Variants in YBEY observed in about 807,000 individuals in gnomAD.
The protein encoded by YBEY is endoribonuclease YbeY.
A neutral mutation model predicts 13.5 loss-of-function variants in YBEY; 15 were observed. The ratio of observed to expected loss-of-function variants is 1.11; its 90% CI spans 0.75 to 1.72. The LOEUF is 1.72. Among genes scored for constraint, YBEY ranks in the 40% most tolerant of loss-of-function variants. The pLI is 0.00. For synonymous variants in YBEY, 101 were observed against 83.1 expected, an observed-to-expected ratio of 1.21 and a Z score of -1.17; for missense variants, 244 against 208.4, an observed-to-expected ratio of 1.17 and a Z score of -1.05.
downstream of YBEY, chr21:46,301,556 G>A (rs2082109174): frequency 1.0e-6 from 1 of 990,420 alleles, no homozygotes; most frequent in Non-Finnish European, 1.2e-6. Flanking sequence ...TGTGGCTAAA[G>A]CTATTGATCT....
downstream of YBEY, chr21:46,301,491 T>C: frequency 3.0e-6 from 3 of 984,224 alleles, no homozygotes; most frequent in Non-Finnish European, 3.6e-6. Context: ...CAGGTGTCCC[T>C]AGTTATTAAA....
chr21:46,291,495 C>G, intron 3 of YBEY, 33 bp downstream of exon 3: 2 of 1,611,664 alleles, frequency 1.2e-6, no homozygotes, highest in Non-Finnish European at 1.7e-6. Context: ...TATAACCTGG[C>G]TCATGGAACA....
chr21:46,305,383 G>C, the YBEY span, among the ~76,000 whole-genome samples: 2 of 140,070 alleles, frequency 1.4e-5, no homozygotes, highest in African/African-American at 5.4e-5. Flanking sequence ...AAGCTGGGAC[G>C]CCTTGGTGTG....
chr21:46,297,422 G>C, intron 4 of YBEY, 117 bp from the exon 5 acceptor site: 3 of 1,019,872 alleles, frequency 2.9e-6, no homozygotes, highest in East Asian at 3.3e-5. Flanking sequence ...AGCTAGAGCC[G>C]CGCGGGCGGC....
the YBEY span, among the ~76,000 whole-genome samples, chr21:46,308,321 C>T: frequency 3.0e-3 from 449 of 151,702 alleles, 1 homozygote; most frequent in African/African-American, 9.1e-3. Context: ...ATCAGCCGGG[C>T]GTGGTGGCAC....
At chr21:46,300,805 G>A, downstream of YBEY, 5 of 1,286,552 alleles carry the variant, frequency 3.9e-6, no homozygotes, top group Admixed American at 2.3e-5. Flanking sequence ...CTAATAGGGG[G>A]TGAATGAAAG....
At chr21:46,291,639 T>C in intron 3 of YBEY, 177 bp downstream of exon 3, 1 of 1,405,958 alleles carries the variant, frequency 7.1e-7, no homozygotes, top group Non-Finnish European at 9.3e-7. Context: ...GCATGCCCCA[T>C]GCCACAGTTG....
At chr21:46,311,403 C>G in the YBEY span, 10 of 1,095,624 alleles carry the variant, frequency 9.1e-6, no homozygotes, top group Non-Finnish European at 1.2e-5. Flanking sequence ...AACATTTTCC[C>G]TTTCAGTAGA....
At chr21:46,295,457 C>T (rs987745437) in intron 3 of YBEY, among the ~76,000 whole-genome samples, 2 of 152,068 alleles carry the variant, frequency 1.3e-5, no homozygotes, top group African/African-American at 4.8e-5. Flanking sequence ...GGTGCTGTGC[C>T]TGCTCAGGGT....
At chr21:46,290,817 G>A (rs1049964145) in intron 2 of YBEY, among the ~76,000 whole-genome samples, 2 of 151,948 alleles carry the variant, frequency 1.3e-5, no homozygotes, top group South Asian at 4.2e-4. Context: ...AGGCCAAGGC[G>A]GGTGGATCAC....
At chr21:46,292,754 C>A (rs1212805868) in intron 3 of YBEY, among the ~76,000 whole-genome samples, 3 of 128,524 alleles carry the variant, frequency 2.3e-5, no homozygotes, top group African/African-American at 8.5e-5. Flanking sequence ...TGACCCGTGC[C>A]CGGGACTCAG....
Position 46,287,005 on chromosome 21 carries a change from G to T in YBEY, c.92G>T (p.Gly31Val). 2 of 1,614,074 alleles carry T rather than the reference G, an allele frequency of 1.2e-6. No individual in the cohort carries two copies. The highest frequency in any genetic ancestry group is 1.3e-5 in the African/African-American group (1 of 75,008). ...ATCGAGATTGTAAGGAGGATTTTAGGAGTGCAGAAATTTGACCTGGGGATC... is the reference window on the plus strand; with the variant it reads ...ATCGAGATTGTAAGGAGGATTTTAGTAGTGCAGAAATTTGACCTGGGGATC... Reference protein sequence around the residue: ...SKIEIVRRILGVQKFDLGIIC... With the variant: ...SKIEIVRRILVVQKFDLGIIC... Residue 31 changes from glycine to valine, a missense_variant, in exon 2 of 5, where the codon GGA (glycine) becomes GTA (valine). Transcript: ENST00000397701.
At chr21:46,296,074 C>A in intron 3 of YBEY, 88 bp from the exon 4 acceptor site, 4 of 1,462,530 alleles carry the variant, frequency 2.7e-6, no homozygotes, top group South Asian at 1.2e-5. Flanking sequence ...AGCCACATAC[C>A]AAGAGCAGCC....
At chr21:46,305,390 TGTGA>T in the YBEY span, among the ~76,000 whole-genome samples, 1 of 147,894 alleles carries the variant, frequency 6.8e-6, no homozygotes, top group African/African-American at 2.5e-5. Context: ...GACGCCTTGG[TGTGA>T]ACACAGCTCA....
chr21:46,298,457 C>T (rs886768934), downstream of YBEY, among the ~76,000 whole-genome samples: 70 of 28,508 alleles, frequency 2.5e-3, no homozygotes, highest in African/African-American at 7.3e-3. Context: ...GAGACGGAGT[C>T]TCGCTCTGTC....
the YBEY span, among the ~76,000 whole-genome samples, chr21:46,305,866 TG>T: frequency 6.6e-6 from 1 of 151,484 alleles, no homozygotes; most frequent in Admixed American, 6.6e-5. Context: ...GGCGTGAACC[TG>T]GGGGGCAGAG....
the YBEY span, chr21:46,311,538 C>A: frequency 1.2e-6 from 2 of 1,611,722 alleles, no homozygotes; most frequent in Non-Finnish European, 1.7e-6. Context: ...GAGGGAGCTG[C>A]TGAATGATGG....
At chr21:46,294,438 G>A (rs1411655989) in intron 3 of YBEY, among the ~76,000 whole-genome samples, 5 of 71,102 alleles carry the variant, frequency 7.0e-5, no homozygotes, top group African/African-American at 2.7e-4. Context: ...TTCCTCCCGC[G>A]GTTAGCCTGA....
chr21:46,291,325 A>AT lies in YBEY; in HGVS notation c.211-3dup, dbSNP rs762108496. ...CTGTTCTCTAAGTCTACATTTCCTC[A>AT]TTTTTTAGCATCTGAAAGCAGGTGA... On this transcript the variant is annotated splice_polypyrimidine_tract_variant and intron_variant, in intron 2 of 4. Transcript: ENST00000397701. 1.9e-6 allele frequency: 3 copies of AT among 1,613,672 alleles called. No individual in the cohort carries two copies. The South Asian group carries it at 3.3e-5, about 18-fold the overall frequency.
Sources: allele counts gnomAD v4.1 joint callset (sites outside exome capture counted in the v4.1 genomes callset), GRCh38; gene constraint gnomAD v4.1.1; transcripts MANE v1.5; gene names NCBI Gene and HGNC (gene_info 2026-07-23, HGNC 2026-07-21).